SLC35D4: variants seen among roughly 807,000 people sequenced by gnomAD.
The protein encoded by SLC35D4 is solute carrier family 35 member D4.
chr18:23,414,912 A>G, the SLC35D4 span, among the ~76,000 whole-genome samples: 1 of 152,192 alleles, frequency 6.6e-6, no homozygotes, highest in Non-Finnish European at 1.5e-5. Flanking sequence ...CAGGAGTTTG[A>G]GACCTACCTG....
chr18:23,318,421 T>G, the SLC35D4 span, among the ~76,000 whole-genome samples: 3 of 152,232 alleles, frequency 2.0e-5, no homozygotes, highest in Non-Finnish European at 4.4e-5. Context: ...TTAATTTTGA[T>G]GAAGTTCACT....
At chr18:23,281,826 T>C in the SLC35D4 span, among the ~76,000 whole-genome samples, 1 of 152,348 alleles carries the variant, frequency 6.6e-6, no homozygotes, top group South Asian at 2.1e-4. Context: ...GTGGCTGCTT[T>C]GGCCAGGTGG....
chr18:23,288,881 A>C, the SLC35D4 span, among the ~76,000 whole-genome samples: 1 of 152,154 alleles, frequency 6.6e-6, no homozygotes, highest in African/African-American at 2.4e-5. Context: ...ATGGTCTTTT[A>C]AAAACACACC....
chr18:23,429,988 C>T, the SLC35D4 span, among the ~76,000 whole-genome samples: 1 of 152,104 alleles, frequency 6.6e-6, no homozygotes, highest in African/African-American at 2.4e-5. Context: ...GTTTCTTTTG[C>T]TGTTCAGAAA....
chr18:23,421,706 T>G, the SLC35D4 span, among the ~76,000 whole-genome samples: 3 of 150,214 alleles, frequency 2.0e-5, no homozygotes, highest in Non-Finnish European at 4.4e-5. Flanking sequence ...AGACGGAGTT[T>G]CGCTCCGTCG....
At chr18:23,356,453 T>C in the SLC35D4 span, 1 of 806,026 alleles carries the variant, frequency 1.2e-6, no homozygotes, top group Non-Finnish European at 2.0e-6. This position sits in a 1 kb window ranked among gnomAD's most constrained non-coding sequence, Gnocchi z 4.1. Flanking sequence ...GCTGGTGACA[T>C]AATGACTGCT....
the SLC35D4 span, among the ~76,000 whole-genome samples, chr18:23,316,905 A>G: frequency 2.6e-5 from 4 of 152,182 alleles, no homozygotes; most frequent in African/African-American, 7.2e-5. Flanking sequence ...CGTGATCCCT[A>G]CAACATCCCT....
the SLC35D4 span, among the ~76,000 whole-genome samples, chr18:23,315,500 C>T: frequency 3.9e-5 from 6 of 152,168 alleles, no homozygotes; most frequent in Non-Finnish European, 7.3e-5. Context: ...CATCTTTGAA[C>T]GTTCAGGGGC....
the SLC35D4 span, among the ~76,000 whole-genome samples, chr18:23,412,162 A>G: frequency 6.6e-6 from 1 of 152,184 alleles, no homozygotes; most frequent in Non-Finnish European, 1.5e-5. Context: ...TCTACTAAAA[A>G]TACGAAATTA....
At chr18:23,415,869 G>T in the SLC35D4 span, among the ~76,000 whole-genome samples, 1 of 152,156 alleles carries the variant, frequency 6.6e-6, no homozygotes, top group Non-Finnish European at 1.5e-5. Context: ...TTGCTATGTA[G>T]AGCCAATACT....
the SLC35D4 span, among the ~76,000 whole-genome samples, chr18:23,267,392 G>A: frequency 6.6e-6 from 1 of 152,096 alleles, no homozygotes; most frequent in Admixed American, 6.6e-5. Flanking sequence ...TTCTGAACGG[G>A]CGCTTCCTGC....
the SLC35D4 span, among the ~76,000 whole-genome samples, chr18:23,267,857 T>C: frequency 2.0e-5 from 3 of 152,204 alleles, no homozygotes; most frequent in Non-Finnish European, 4.4e-5. Context: ...GCCCGCACCA[T>C]GTGCACTGAA....
the SLC35D4 span, among the ~76,000 whole-genome samples, chr18:23,318,267 A>G: frequency 1.3e-5 from 2 of 152,190 alleles, no homozygotes; most frequent in African/African-American, 2.4e-5. Flanking sequence ...TCCCTTGTCC[A>G]CTTTAAAAAT....
chr18:23,381,025 C>T, the SLC35D4 span, among the ~76,000 whole-genome samples: 1 of 152,162 alleles, frequency 6.6e-6, no homozygotes, highest in South Asian at 2.1e-4. Flanking sequence ...CAAGTGTGTT[C>T]CTTATGATAA....
the SLC35D4 span, among the ~76,000 whole-genome samples, chr18:23,354,396 C>A: frequency 2.0e-5 from 3 of 150,846 alleles, no homozygotes; most frequent in Non-Finnish European, 2.9e-5. Flanking sequence ...TGGCGGGCAC[C>A]TGTAGTCCCA....
the SLC35D4 span, among the ~76,000 whole-genome samples, chr18:23,313,698 G>A: frequency 1.3e-5 from 2 of 152,178 alleles, no homozygotes; most frequent in East Asian, 1.9e-4. Flanking sequence ...GATCCACCTG[G>A]TGGTGGGACC....
the SLC35D4 span, among the ~76,000 whole-genome samples, chr18:23,425,186 C>A: frequency 6.6e-6 from 1 of 152,122 alleles, no homozygotes; most frequent in Non-Finnish European, 1.5e-5. Flanking sequence ...TTGCAACCTC[C>A]ACTTCCTGGG....
At chr18:23,333,052 C>T in the SLC35D4 span, among the ~76,000 whole-genome samples, 1 of 151,826 alleles carries the variant, frequency 6.6e-6, no homozygotes, top group Non-Finnish European at 1.5e-5. Context: ...AACATCTTTG[C>T]ACAAAGCAAT....
the SLC35D4 span, among the ~76,000 whole-genome samples, chr18:23,436,336 C>T: frequency 2.0e-5 from 3 of 151,526 alleles, no homozygotes; most frequent in Non-Finnish European, 4.4e-5. Context: ...GCCACAACAA[C>T]AATTTCAAGA....
Sources: gnomAD v4.1 joint callset for allele counts (sites outside exome capture counted in the v4.1 genomes callset) on GRCh38, gnomAD v4.1.1 for gene constraint, Gnocchi (gnomAD v3.1) non-coding constraint, MANE v1.5 for transcripts, NCBI Gene and HGNC (gene_info 2026-07-23, HGNC 2026-07-21) for gene names.